The following VOPP1 variants were observed in gnomAD, a reference collection of about 807,000 sequenced individuals.
The protein encoded by VOPP1 is WW domain binding protein VOPP1.
VOPP1 carries 8 observed loss-of-function variants against 23.5 expected under a neutral mutation model. The ratio of observed to expected loss-of-function variants is 0.34; its 90% CI spans 0.20 to 0.61. The LOEUF is 0.61. Among genes scored for constraint, VOPP1 ranks in the 20% least tolerant of loss-of-function variants. VOPP1 has a pLI of 0.78. For synonymous variants in VOPP1, 83 were observed against 97.3 expected, an observed-to-expected ratio of 0.85 and a Z score of 0.86; for missense variants, 174 against 238.1, an observed-to-expected ratio of 0.73 and a Z score of 1.77.
intron 1 of VOPP1, among the ~76,000 whole-genome samples, chr7:55,567,466 A>C (rs1362207187): frequency 6.6e-6 from 1 of 152,202 alleles, no homozygotes; most frequent in Non-Finnish European, 1.5e-5. Flanking sequence ...GACATGATAG[A>C]GTGAGTTCTA....
At chr7:55,516,101 T>A (rs1795391876) in intron 2 of VOPP1, 2 of 768,292 alleles carry the variant, frequency 2.6e-6, no homozygotes, top group Non-Finnish European at 3.2e-6. Context: ...CACTTGCTAT[T>A]TTTAAATCAC....
At chr7:55,443,181 C>T (rs1415381999) in intron 4 of VOPP1, among the ~76,000 whole-genome samples, 4 of 152,002 alleles carry the variant, frequency 2.6e-5, no homozygotes, top group African/African-American at 7.2e-5. Flanking sequence ...TGGACAAAGA[C>T]GGAAAATTTA....
intron 2 of VOPP1, among the ~76,000 whole-genome samples, chr7:55,499,250 C>T (rs1269061856): frequency 1.3e-5 from 2 of 152,152 alleles, no homozygotes; most frequent in South Asian, 2.1e-4. Flanking sequence ...GTCAGGAGTT[C>T]GAGACCAGCC....
At chr7:55,453,045 T>C (rs1031709460) in intron 4 of VOPP1, among the ~76,000 whole-genome samples, 1 of 135,938 alleles carries the variant, frequency 7.4e-6, no homozygotes, top group Admixed American at 8.6e-5. Flanking sequence ...TTTGTCTACA[T>C]GTAAACTCTG....
At chr7:55,552,679 G>C in intron 1 of VOPP1, 1 of 1,536,020 alleles carries the variant, frequency 6.5e-7, no homozygotes, top group African/African-American at 1.4e-5. Flanking sequence ...CCAACAATGG[G>C]GGGCACTCAG....
At chr7:55,474,507 G>A (rs752224378) in intron 4 of VOPP1, among the ~76,000 whole-genome samples, 17 of 152,240 alleles carry the variant, frequency 1.1e-4, no homozygotes, top group African/African-American at 1.4e-4. Context: ...GGATTGACTC[G>A]ATGGGGAGCG....
chr7:55,464,306 G>A (rs528892637), intron 4 of VOPP1, among the ~76,000 whole-genome samples: 3 of 152,318 alleles, frequency 2.0e-5, no homozygotes, highest in Non-Finnish European at 2.9e-5. Context: ...CTTGCCAGCT[G>A]TGGTGGGCAG....
chr7:55,500,381 C>A (rs1215872063), intron 2 of VOPP1, among the ~76,000 whole-genome samples: 1 of 152,228 alleles, frequency 6.6e-6, no homozygotes, highest in Non-Finnish European at 1.5e-5. Flanking sequence ...GGTCTGCAGG[C>A]ACCAACAGCA....
chr7:55,445,352 C>T (rs575500713), intron 4 of VOPP1, among the ~76,000 whole-genome samples: 1 of 152,196 alleles, frequency 6.6e-6, no homozygotes, highest in East Asian at 1.9e-4. Context: ...ACCCCTTACT[C>T]CTACACACTT....
chr7:55,546,937 G>A (rs1216613111), intron 1 of VOPP1, among the ~76,000 whole-genome samples: 2 of 152,268 alleles, frequency 1.3e-5, no homozygotes, highest in African/African-American at 2.4e-5. Flanking sequence ...CAGTGCCCCT[G>A]AACATGGAGA....
At chr7:55,537,555 G>A (rs933120012) in intron 1 of VOPP1, 12 of 1,535,816 alleles carry the variant, frequency 7.8e-6, no homozygotes, top group African/African-American at 2.7e-5. Flanking sequence ...TGCAGGCAGC[G>A]CACCTCCTCG....
At chr7:55,534,546 T>C (rs1584057649) in intron 1 of VOPP1, among the ~76,000 whole-genome samples, 2 of 152,340 alleles carry the variant, frequency 1.3e-5, no homozygotes, top group African/African-American at 4.8e-5. Flanking sequence ...TTGAGCTCGC[T>C]CTGCAATTTC....
intron 2 of VOPP1, chr7:55,516,073 C>T: frequency 1.1e-6 from 1 of 943,632 alleles, no homozygotes; most frequent in Non-Finnish European, 1.3e-6. Context: ...GGGGCGGGAG[C>T]TGCTGAGGCC....
chr7:55,516,864 T>C (rs191795570), intron 2 of VOPP1, among the ~76,000 whole-genome samples: 2 of 142,106 alleles, frequency 1.4e-5, no homozygotes, highest in Non-Finnish European at 3.0e-5. Context: ...AAATGAAATG[T>C]AGAATATACT....
intron 4 of VOPP1, among the ~76,000 whole-genome samples, chr7:55,444,227 G>T (rs889950774): frequency 2.0e-5 from 3 of 152,108 alleles, no homozygotes; most frequent in Non-Finnish European, 4.4e-5. Context: ...AGAGATCATC[G>T]GACAAGAGTC....
chr7:55,436,019 G>A (rs117049879), downstream of VOPP1: 2,397 of 152,432 alleles, frequency 0.016, 125 homozygotes, highest in Admixed American at 0.098. Flanking sequence ...GTGAGGTGAG[G>A]ACAGCTAGCT....
chr7:55,542,409 G>A (rs960065078), intron 1 of VOPP1, among the ~76,000 whole-genome samples: 10 of 151,972 alleles, frequency 6.6e-5, no homozygotes, highest in African/African-American at 7.3e-5. Flanking sequence ...CTCCATCCCC[G>A]TCTCCCCACT....
At chr7:55,525,025 G>A (rs1315217032) in intron 1 of VOPP1, among the ~76,000 whole-genome samples, 1 of 152,088 alleles carries the variant, frequency 6.6e-6, no homozygotes, top group Non-Finnish European at 1.5e-5. Context: ...GCGGGAAGAG[G>A]CAGAAAGAAG....
At chr7:55,498,937 C>T (rs535142640) in intron 2 of VOPP1, among the ~76,000 whole-genome samples, 5 of 152,222 alleles carry the variant, frequency 3.3e-5, no homozygotes, top group African/African-American at 1.2e-4. Context: ...CCGCACCCAA[C>T]GGCAGCTAAA....
Sources: gnomAD v4.1 joint callset for allele counts (sites outside exome capture counted in the v4.1 genomes callset) on GRCh38, gnomAD v4.1.1 for gene constraint, MANE v1.5 for transcripts, NCBI Gene and HGNC (gene_info 2026-07-23, HGNC 2026-07-21) for gene names.